TRAP1: variants seen among roughly 807,000 people sequenced by gnomAD.
The protein encoded by TRAP1 is TNF receptor associated protein 1.
Under a neutral mutation model 89.1 loss-of-function variants are expected in TRAP1, and 102 were observed. The ratio of observed to expected loss-of-function variants is 1.15; its 90% CI spans 0.98 to 1.35. TRAP1 has a LOEUF of 1.35. Ranked by LOEUF, TRAP1 falls within the 40% of genes most tolerant of loss-of-function variation. The probability of loss-of-function intolerance (pLI) is 0.00; values close to 1 mark genes in which losing one functional copy is unlikely to be tolerated. For missense variants in TRAP1, 1,256 were observed against 945.3 expected, an observed-to-expected ratio of 1.33 and a Z score of -4.31; for synonymous variants, 508 against 388.0, an observed-to-expected ratio of 1.31 and a Z score of -3.64.
At chr16:3,679,493 A>C (rs2051045342) in intron 5 of TRAP1, among the ~76,000 whole-genome samples, 1 of 152,144 alleles carries the variant, frequency 6.6e-6, no homozygotes, top group African/African-American at 2.4e-5. Flanking sequence ...GCATCTGCAG[A>C]CTTTGCTATC....
chr16:3,709,949 G>A (rs1055206825), intron 1 of TRAP1, among the ~76,000 whole-genome samples: 1 of 152,062 alleles, frequency 6.6e-6, no homozygotes, highest in Non-Finnish European at 1.5e-5. Flanking sequence ...CGCGCCTGGC[G>A]AGAAGATTCT....
At chr16:3,673,293 C>A (rs1264214585) in intron 9 of TRAP1, among the ~76,000 whole-genome samples, 1 of 152,202 alleles carries the variant, frequency 6.6e-6, no homozygotes, top group East Asian at 1.9e-4. Flanking sequence ...CTCATGGGAC[C>A]CGGCCCTGTG....
In TRAP1 at chr16:3,685,979, G is replaced by A. The variant is rs766514573; in HGVS notation, c.471+17C>T. On this transcript the variant is annotated intron_variant, in intron 4 of 17. Coordinates refer to ENST00000246957, the MANE Select transcript of TRAP1 (RefSeq NM_016292.3). Reference sequence around the variant, plus strand: ...CATGGCCGGGCCTGCCACACGCCTGGACACTGAGGGAGGTACCTGGATGGT... The same window carrying A: ...CATGGCCGGGCCTGCCACACGCCTGAACACTGAGGGAGGTACCTGGATGGT... The A allele has an allele frequency of 4.3e-6, 7 of 1,612,650 alleles. No individual in the cohort carries two copies. Among genetic ancestry groups the A allele is most frequent in the Non-Finnish European group, 3.4e-6 (4 of 1,179,320 alleles).
At chr16:3,679,640 G>A (rs2051047876) in intron 5 of TRAP1, 79 bp downstream of exon 5, 2 of 1,452,820 alleles carry the variant, frequency 1.4e-6, no homozygotes, top group Admixed American at 3.4e-5. Flanking sequence ...ACTTAATCTG[G>A]CACCCAGGGC....
chr16:3,694,714 G>GTAATCCTCCCAC (rs1230637072), intron 1 of TRAP1, among the ~76,000 whole-genome samples: 19 of 152,158 alleles, frequency 1.2e-4, no homozygotes, highest in Non-Finnish European at 2.8e-4. Flanking sequence ...CTGGACTCAA[G>GTAATCCTCCCAC]TAATCCTCCC....
chr16:3,676,098 G>A lies in TRAP1; in HGVS notation c.752C>T (p.Thr251Ile). 1 of 1,613,852 alleles carries A rather than the reference G, an allele frequency of 6.2e-7. No homozygotes were observed. The highest frequency in any genetic ancestry group is 8.5e-7 in the Non-Finnish European group (1 of 1,179,914). Reference protein sequence around the residue: ...IAEASGVRTGTKIIIHLKSDC... With the variant: ...IAEASGVRTGIKIIIHLKSDC... ...GGATTTCAGGTGGATGATGATTTTT[G>A]TCCCGGTTCTAACTCCCGAAGCTTC... The change falls in exon 7 of 18, where the codon ACA becomes ATA. Residue 251 changes from threonine to isoleucine, a missense_variant. By Grantham distance (89) the Thr-to-Ile change is moderately conservative. Coordinates refer to ENST00000246957, the MANE Select transcript of TRAP1 (RefSeq NM_016292.3).
At chr16:3,662,431 C>T in intron 15 of TRAP1, 1 of 554,446 alleles carries the variant, frequency 1.8e-6, no homozygotes, top group Non-Finnish European at 3.3e-6. Flanking sequence ...CATGAGGCCC[C>T]TTCCTCCAAG....
In TRAP1 at chr16:3,677,575, G is replaced by A. The variant is rs367743979; in HGVS notation, c.627C>T (p.Phe209=). 3.7e-6 allele frequency: 6 copies of A among 1,614,076 alleles called. No homozygotes were observed. Among genetic ancestry groups the A allele is most frequent in the Non-Finnish European group, 4.2e-6 (5 of 1,180,038 alleles). Residue 209 remains phenylalanine (F), a synonymous_variant, in exon 6 of 18, where the codon TTC becomes TTT. Coordinates refer to ENST00000246957, the MANE Select transcript of TRAP1 (RefSeq NM_016292.3). The part of the protein sequence containing the change: ...GQFGVGFYSA[F]MVADRVEVYS... ...AGACCTCCACTCTGTCAGCCACCAT[G>A]AAAGCTGAGTAGAAACCCACTCCAA...
intron 17 of TRAP1, 136 bp downstream of exon 17, chr16:3,658,657 G>C: frequency 2.3e-6 from 2 of 855,556 alleles, no homozygotes. Flanking sequence ...TGGCAACAGA[G>C]CAACACTCCA....
intron 17 of TRAP1, chr16:3,658,520 T>C (rs896378924): frequency 1.2e-5 from 7 of 568,228 alleles, no homozygotes; most frequent in African/African-American, 3.8e-5. Flanking sequence ...CCATCTCTAC[T>C]AAAATACAAA....
intron 5 of TRAP1, 94 bp from the exon 6 acceptor site, chr16:3,677,752 C>T (rs1011177176): frequency 7.0e-7 from 1 of 1,429,278 alleles, no homozygotes; most frequent in African/African-American, 1.4e-5. Flanking sequence ...GCTAAGACCC[C>T]TTCATCCTGA....
At chr16:3,709,621 T>C (rs1417810583) in intron 1 of TRAP1, among the ~76,000 whole-genome samples, 1 of 151,636 alleles carries the variant, frequency 6.6e-6, no homozygotes, top group Non-Finnish European at 1.5e-5. Flanking sequence ...TTACACACGG[T>C]TCCTTCCCAG....
At chr16:3,679,135 C>G (rs117234537) in intron 5 of TRAP1, among the ~76,000 whole-genome samples, 6,146 of 151,954 alleles carry the variant, frequency 0.04, 164 homozygotes, top group Admixed American at 0.057. Context: ...ACTAAAGATA[C>G]AAAAAATTGG....
At chr16:3,703,970 G>A (rs957012490) in intron 1 of TRAP1, among the ~76,000 whole-genome samples, 10 of 149,076 alleles carry the variant, frequency 6.7e-5, no homozygotes, top group Non-Finnish European at 8.8e-5. Context: ...AGCCGAGATC[G>A]CGCCACTGCA....
rs894835294 is a variant in TRAP1 at position 3,677,405 on chromosome 16, G to C, written c.704+93C>G. The C allele has an allele frequency of 2.6e-6, 4 of 1,513,744 alleles. No homozygotes were observed. In the African/African-American group the frequency reaches 5.5e-5, roughly 21 times the overall value. The allele number at this position is 1,513,744 out of a possible 1,614,324, so 93.8% of individuals were successfully genotyped here. A position where few individuals can be genotyped will look rare whatever the true frequency, so the allele number is the denominator to read the frequency against. On this transcript the variant is annotated intron_variant, in intron 6 of 17. Transcript: ENST00000246957. ...CATATAAAAAGCCCAGAAAATGCCT[G>C]TGTACGTTTTCTGAGTCCATCCCTT...
intron 4 of TRAP1, among the ~76,000 whole-genome samples, chr16:3,684,779 C>T (rs749573748): frequency 3.3e-5 from 5 of 152,026 alleles, no homozygotes; most frequent in Non-Finnish European, 5.9e-5. Flanking sequence ...GACACAGCCA[C>T]ACTCTGTCTC....
At chr16:3,672,849 C>T (rs1247027465) in intron 9 of TRAP1, 29 bp from the exon 10 acceptor site, 2 of 1,596,994 alleles carry the variant, frequency 1.3e-6, no homozygotes, top group Non-Finnish European at 1.7e-6. Context: ...CGCCATCATG[C>T]AGCACTGACC....
Position 3,706,384 on chromosome 16 carries a change from G to A in TRAP1, c.88+11037C>T, listed in dbSNP as rs896206292. 1.1e-4 allele frequency among the ~76,000 whole-genome samples: 17 copies of A among 151,134 alleles called. No individual in the cohort carries two copies. The East Asian group carries it at 1.2e-3, about 10-fold the overall frequency. On this transcript the variant is annotated intron_variant, in intron 1 of 17. Coordinates refer to ENST00000246957, the MANE Select transcript of TRAP1 (RefSeq NM_016292.3). The stretch of plus-strand genomic sequence containing the variant: ...TAGCCTCCAACTGGCAGGCTTAAGC[G>A]ATCCTCCCACCTCAGCCTCCCAAGC...
rs376506055 is a variant in TRAP1, at chr16:3,679,793, G to A, written c.472-3C>T. 4.8e-5 allele frequency: 77 copies of A among 1,614,026 alleles called. No individual in the cohort carries two copies. Among genetic ancestry groups the A allele is most frequent in the South Asian group, 4.1e-4 (37 of 91,082 alleles). On this transcript the variant is annotated splice_polypyrimidine_tract_variant and splice_region_variant and intron_variant, in intron 4 of 17. Transcript: ENST00000246957. ...TGTGTCATCCCGATACCAGTATCCTGAGGAGAGAGACGCACTAAGTGCCAA... is the reference window on the plus strand; with the variant it reads ...TGTGTCATCCCGATACCAGTATCCTAAGGAGAGAGACGCACTAAGTGCCAA...
Sources: gnomAD v4.1 joint callset for allele counts (sites outside exome capture counted in the v4.1 genomes callset) on GRCh38, gnomAD v4.1.1 for gene constraint, MANE v1.5 for transcripts, NCBI Gene and HGNC (gene_info 2026-07-23, HGNC 2026-07-21) for gene names.